The following C14orf132 variants were observed in gnomAD, a reference collection of about 807,000 sequenced individuals.
C14orf132 encodes the protein chromosome 14 open reading frame 132.
Under a neutral mutation model 5.8 loss-of-function variants are expected in C14orf132, and 6 were observed. That is an observed-to-expected ratio of 1.03 (90% CI 0.57 to 2.04). C14orf132 has a LOEUF of 2.04. C14orf132 is among the 30% of genes most tolerant of loss of function. The pLI, the probability that C14orf132 is intolerant of heterozygous loss-of-function variation, is 0.00. For synonymous variants in C14orf132, 51 were observed against 49.8 expected (o/e 1.02, Z -0.10); for missense variants, 125 against 115.8 (o/e 1.08, Z -0.37).
chr14:96,083,336 G>C (rs1460765327), intron 1 of C14orf132, among the ~76,000 whole-genome samples: 1 of 152,138 alleles, frequency 6.6e-6, no homozygotes, highest in Non-Finnish European at 1.5e-5. Flanking sequence ...ACTCCTTTCT[G>C]GAACGGAAGT....
chr14:96,046,126 C>T (rs755619869), intron 1 of C14orf132, among the ~76,000 whole-genome samples: 27 of 152,254 alleles, frequency 1.8e-4, no homozygotes, highest in African/African-American at 5.5e-4. Flanking sequence ...CTGCAGGCTT[C>T]GTAGGACCTG....
chr14:96,054,474 T>A (rs1887121238), intron 1 of C14orf132, among the ~76,000 whole-genome samples: 1 of 152,204 alleles, frequency 6.6e-6, no homozygotes, highest in South Asian at 2.1e-4. Context: ...CACTCATGAT[T>A]TGGGGCTGTT....
intron 1 of C14orf132, among the ~76,000 whole-genome samples, chr14:96,083,524 G>C (rs1888089256): frequency 6.6e-6 from 1 of 152,164 alleles, no homozygotes. Context: ...TCATCACAAG[G>C]GCCCTTATAA....
At chr14:96,042,109 A>G (rs1052089291) in intron 1 of C14orf132, among the ~76,000 whole-genome samples, 8 of 152,236 alleles carry the variant, frequency 5.3e-5, no homozygotes, top group African/African-American at 1.9e-4. Flanking sequence ...GACTTTGAGA[A>G]TGGGGGCTGA....
intron 1 of C14orf132, among the ~76,000 whole-genome samples, chr14:96,073,688 TACCC>T (rs1887778130): frequency 6.6e-6 from 1 of 152,234 alleles, no homozygotes; most frequent in South Asian, 2.1e-4. Context: ...ATTGGGGCTA[TACCC>T]AAAGGAATAT....
At chr14:96,048,546 A>T (rs1253186693) in intron 1 of C14orf132, among the ~76,000 whole-genome samples, 1 of 151,834 alleles carries the variant, frequency 6.6e-6, no homozygotes, top group Non-Finnish European at 1.5e-5. Context: ...TATTTTTGAG[A>T]TGGAGTTTCA....
intron 1 of C14orf132, among the ~76,000 whole-genome samples, chr14:96,050,357 A>T (rs968155750): frequency 6.6e-6 from 1 of 152,212 alleles, no homozygotes; most frequent in Non-Finnish European, 1.5e-5. Context: ...CACAAAGGCA[A>T]TGCTGTTCTG....
At chr14:96,075,715 T>G (rs1487001541) in intron 1 of C14orf132, among the ~76,000 whole-genome samples, 1 of 152,228 alleles carries the variant, frequency 6.6e-6, no homozygotes. Flanking sequence ...TCTGTCAGTG[T>G]GGCATGAATT....
intron 1 of C14orf132, among the ~76,000 whole-genome samples, chr14:96,059,761 T>G (rs534394874): frequency 3.9e-5 from 6 of 152,198 alleles, no homozygotes; most frequent in Non-Finnish European, 7.3e-5. Context: ...GCTTCTCACC[T>G]GGGGGGTGTC....
At position 96,039,413 on chromosome 14, in the gene C14orf132, TC is replaced by T; in HGVS notation, c.-87del. The T allele has an allele frequency of 7.4e-7, 1 of 1,348,000 alleles. No individual in the cohort carries two copies. Among genetic ancestry groups the T allele is most frequent in the Non-Finnish European group, 9.7e-7 (1 of 1,028,054 alleles). The allele number at this position is 1,348,000 out of a possible 1,614,324, so 83.5% of individuals were successfully genotyped here. Reference sequence around the variant, plus strand: ...CGTGCGGTCTCCGGACGCTCGCTGCTCAGCCCGATCCCCGCCAACTGTGCAG... The same window carrying T: ...CGTGCGGTCTCCGGACGCTCGCTGCTAGCCCGATCCCCGCCAACTGTGCAG... On this transcript the variant is annotated 5_prime_UTR_variant, in exon 1 of 2. Coordinates refer to ENST00000555004, the MANE Select transcript of C14orf132 (RefSeq NM_001252507.3). The surrounding 1 kb of genome is among the most constrained non-coding windows in gnomAD (Gnocchi z 5.3).
Position 96,092,934 on chromosome 14 carries a change from G to C in C14orf132, c.*6199G>C, listed in dbSNP as rs971318739. Reference sequence around the variant, plus strand: ...CCACCGAACATCCTACAATGCACAGGGCAGCCCCCCACAAATAAGAATTAT... The same window carrying C: ...CCACCGAACATCCTACAATGCACAGCGCAGCCCCCCACAAATAAGAATTAT... On this transcript the variant is annotated 3_prime_UTR_variant, in exon 2 of 2. Transcript: ENST00000555004. 1 of 152,204 alleles carries C rather than the reference G, an allele frequency of 6.6e-6. No individual in the cohort carries two copies. The highest frequency in any genetic ancestry group is 2.4e-5 in the African/African-American group (1 of 41,442). 9.4% of individuals were successfully genotyped at this position (152,204 alleles called of 1,614,324 possible). A position where few individuals can be genotyped will look rare whatever the true frequency, so the allele number is the denominator to read the frequency against.
chr14:96,075,385 C>T (rs1264794809), intron 1 of C14orf132, among the ~76,000 whole-genome samples: 1 of 152,032 alleles, frequency 6.6e-6, no homozygotes, highest in Non-Finnish European at 1.5e-5. Context: ...TATAAGGCAT[C>T]TCTATATATA....
intron 1 of C14orf132, among the ~76,000 whole-genome samples, chr14:96,083,664 G>A (rs989137655): frequency 6.6e-6 from 1 of 152,210 alleles, no homozygotes; most frequent in African/African-American, 2.4e-5. Flanking sequence ...TGGGAAAGGC[G>A]AGAAAACAGA....
chr14:96,050,608 A>G (rs1374259128), intron 1 of C14orf132, among the ~76,000 whole-genome samples: 1 of 151,476 alleles, frequency 6.6e-6, no homozygotes, highest in South Asian at 2.1e-4. Flanking sequence ...TCTTCTCTCC[A>G]TACTCTGCCA....
At chr14:96,073,291 A>G (rs1275847464) in intron 1 of C14orf132, among the ~76,000 whole-genome samples, 3 of 152,208 alleles carry the variant, frequency 2.0e-5, no homozygotes, top group Non-Finnish European at 4.4e-5. Flanking sequence ...TTGTTCAGTG[A>G]CATATCTCCT....
chr14:96,040,796 A>G (rs903452049), intron 1 of C14orf132, among the ~76,000 whole-genome samples: 41 of 151,676 alleles, frequency 2.7e-4, no homozygotes, highest in Admixed American at 2.7e-3. Flanking sequence ...ATCCATACTT[A>G]TAAAAATTGT....
Position 96,070,596 on chromosome 14 carries a change from T to TCACA in C14orf132, c.28-15881_28-15878dup, listed in dbSNP as rs77447486. ...GGTAGATGAAGTCTCTCTCTCTCTCTCACACACACACACACACACACACAC... is the reference window on the plus strand; with the variant it reads ...GGTAGATGAAGTCTCTCTCTCTCTCTCACACACACACACACACACACACACACAC... On this transcript the variant is annotated intron_variant, in intron 1 of 1. Transcript: ENST00000555004. Among the ~76,000 whole-genome samples, 285 of 142,624 alleles carry TCACA rather than the reference T, an allele frequency of 2.0e-3. 1 individual carries two copies. Among genetic ancestry groups the TCACA allele is most frequent in the Middle Eastern group, 3.5e-3 (1 of 282 alleles). 93.6% of individuals were successfully genotyped at this position (142,624 alleles called of 152,430 possible).
chr14:96,085,160 C>T (rs909245683), intron 1 of C14orf132, among the ~76,000 whole-genome samples: 1 of 152,208 alleles, frequency 6.6e-6, no homozygotes, highest in African/African-American at 2.4e-5. Context: ...TTAGCCTCCA[C>T]CAGGATTGTT....
Position 96,088,133 on chromosome 14 carries a change from G to A in C14orf132, c.*1398G>A, listed in dbSNP as rs1888262538. 1.3e-5 allele frequency: 2 copies of A among 152,192 alleles called. No individual in the cohort carries two copies. Among genetic ancestry groups the A allele is most frequent in the South Asian group, 2.1e-4 (1 of 4,816 alleles). 9.4% of individuals were successfully genotyped at this position (152,192 alleles called of 1,614,324 possible). A position where few individuals can be genotyped will look rare whatever the true frequency, so the allele number is the denominator to read the frequency against. ...GTGGAGAAACTTAAAAAGCTGGTTA[G>A]GAAGCTCTCGTGTATATTTAGAGAC... On this transcript the variant is annotated 3_prime_UTR_variant, in exon 2 of 2. Transcript: ENST00000555004.
Sources: allele counts gnomAD v4.1 joint callset (sites outside exome capture counted in the v4.1 genomes callset), GRCh38; gene constraint gnomAD v4.1.1; non-coding constraint Gnocchi (gnomAD v3.1); transcripts MANE v1.5; gene names NCBI Gene and HGNC (gene_info 2026-07-23, HGNC 2026-07-21).